CDC14B: variants seen among roughly 807,000 people sequenced by gnomAD.
The protein encoded by CDC14B is cell division cycle 14B, also known as dual specificity protein phosphatase CDC14B.
Under a neutral mutation model 64.2 loss-of-function variants are expected in CDC14B, and 22 were observed. The observed-to-expected ratio is 0.34, with a 90% CI of 0.24 to 0.49. The LOEUF (loss-of-function observed/expected upper bound fraction) is 0.49, where lower values mean the gene tolerates loss of function less well. Ranked by LOEUF, CDC14B falls within the 20% of genes least tolerant of loss-of-function variation. CDC14B has a pLI of 0.99. For missense variants in CDC14B, 498 were observed against 629.9 expected, an observed-to-expected ratio of 0.79 and a Z score of 2.24; for synonymous variants, 191 against 215.8, an observed-to-expected ratio of 0.89 and a Z score of 1.01.
At chr9:96,497,822 G>A (rs1218452304), downstream of CDC14B, among the ~76,000 whole-genome samples, 2 of 152,042 alleles carry the variant, frequency 1.3e-5, no homozygotes, top group South Asian at 2.1e-4. Flanking sequence ...GAGAAGAAAC[G>A]GGTTTAGGGA....
At chr9:96,569,420 T>C (rs147008053) in intron 1 of CDC14B, among the ~76,000 whole-genome samples, 2 of 152,284 alleles carry the variant, frequency 1.3e-5, no homozygotes, top group Non-Finnish European at 2.9e-5. Flanking sequence ...GGAAGAAATT[T>C]TCCCTCCCAG....
chr9:96,599,376 C>T (rs950995536), intron 1 of CDC14B, among the ~76,000 whole-genome samples: 4 of 148,864 alleles, frequency 2.7e-5, no homozygotes, highest in South Asian at 4.2e-4. Flanking sequence ...AGTGAAACTC[C>T]GTTTAAAAAA....
intron 1 of CDC14B, chr9:96,567,227 T>G: frequency 1.0e-5 from 2 of 196,156 alleles, no homozygotes; most frequent in Non-Finnish European, 2.1e-5. Flanking sequence ...GAAAGCTCCT[T>G]AGCGATTAAA....
chr9:96,526,610 T>C (rs1459723446), intron 9 of CDC14B, among the ~76,000 whole-genome samples: 1 of 152,224 alleles, frequency 6.6e-6, no homozygotes, highest in Non-Finnish European at 1.5e-5. Flanking sequence ...CAATTTTCAC[T>C]GTACAGCCCA....
intron 12 of CDC14B, among the ~76,000 whole-genome samples, chr9:96,511,142 G>A (rs1261959859): frequency 6.6e-6 from 1 of 152,142 alleles, no homozygotes; most frequent in African/African-American, 2.4e-5. Flanking sequence ...ACGGGCCTCA[G>A]CTACCACCAT....
chr9:96,600,975 C>A lies in CDC14B; in HGVS notation c.160+18244G>T, dbSNP rs1846399973. On this transcript the variant is annotated intron_variant, in intron 1 of 13. Coordinates refer to ENST00000375241, the MANE Select transcript of CDC14B (RefSeq NM_033331.4). ...ATTATTATGCAACCATATAATGGAA[C>A]AGTATGCATCCACTAAAAAAAGATA... Among the ~76,000 whole-genome samples the A allele has an allele frequency of 2.0e-5, 3 of 152,008 alleles. 1 individual carries two copies. In the South Asian group the frequency reaches 6.2e-4, roughly 32 times the overall value.
In CDC14B at chr9:96,545,164, G is replaced by T. The variant is rs1840623187; in HGVS notation, c.498-3272C>A. ...CAAATCCTGGTTTTGTAGAAATAGGGTGTTCATGGAATAAAGAACCCATTT... is the reference window on the plus strand; with the variant it reads ...CAAATCCTGGTTTTGTAGAAATAGGTTGTTCATGGAATAAAGAACCCATTT... On this transcript the variant is annotated intron_variant, in intron 5 of 13. Transcript: ENST00000375241. Among the ~76,000 whole-genome samples, 3 of 152,066 alleles carry T rather than the reference G, an allele frequency of 2.0e-5. No homozygotes were observed. In the South Asian group the frequency reaches 6.2e-4, roughly 32 times the overall value.
intron 9 of CDC14B, among the ~76,000 whole-genome samples, chr9:96,524,213 T>A (rs886645218): frequency 6.6e-6 from 1 of 152,232 alleles, no homozygotes; most frequent in Admixed American, 6.5e-5. Flanking sequence ...ATGCTGGTAT[T>A]ATACACTTGA....
intron 1 of CDC14B, among the ~76,000 whole-genome samples, chr9:96,589,192 A>T (rs1387498514): frequency 6.7e-6 from 1 of 150,222 alleles, no homozygotes; most frequent in African/African-American, 2.5e-5. Context: ...AAAAAAAATT[A>T]GCTGGGCGTG....
chr9:96,539,072 A>C lies in CDC14B; in HGVS notation c.627+6T>G. 1.3e-6 allele frequency: 2 copies of C among 1,585,732 alleles called. No homozygotes were observed. Among genetic ancestry groups the C allele is most frequent in the Non-Finnish European group, 1.7e-6 (2 of 1,154,632 alleles). ...AGAGTTGAAAACATGATCCTTGAAG[A>C]CTTACTTCATAGTGTTCATATTCAT... On this transcript the variant is annotated splice_donor_region_variant and intron_variant, in intron 7 of 13. Coordinates refer to ENST00000375241, the MANE Select transcript of CDC14B (RefSeq NM_033331.4).
rs1349548001 is a variant in CDC14B, at chr9:96,500,898, A to ACTGGCCTCGAGCACG, written c.*2854_*2855insCGTGCTCGAGGCCAG. Reference sequence around the variant, plus strand: ...CCATCCCGCCCAGCCCAGCGAGCACACTGGCCTCATAACAATGCTTGGGAA... The same window carrying ACTGGCCTCGAGCACG: ...CCATCCCGCCCAGCCCAGCGAGCACACTGGCCTCGAGCACGCTGGCCTCATAACAATGCTTGGGAA... On this transcript the variant is annotated 3_prime_UTR_variant, in exon 14 of 14. Transcript: ENST00000375241. 6 of 152,474 alleles carry ACTGGCCTCGAGCACG rather than the reference A, an allele frequency of 3.9e-5. No homozygotes were observed. Among genetic ancestry groups the ACTGGCCTCGAGCACG allele is most frequent in the Admixed American group, 2.6e-4 (4 of 15,308 alleles). The allele number at this position is 152,474 out of a possible 1,614,324, so 9.4% of individuals were successfully genotyped here.
At chr9:96,604,819 C>A (rs191773856) in intron 1 of CDC14B, among the ~76,000 whole-genome samples, 137 of 152,230 alleles carry the variant, frequency 9.0e-4, no homozygotes, top group Admixed American at 2.8e-3. Context: ...TAGGCATGCA[C>A]CACCATGCCC....
At chr9:96,510,751 G>A (rs551693454) in intron 12 of CDC14B, among the ~76,000 whole-genome samples, 7 of 151,756 alleles carry the variant, frequency 4.6e-5, no homozygotes, top group Non-Finnish European at 1.0e-4. Context: ...GACCGCAGGC[G>A]CCCACCACCT....
At chr9:96,585,375 G>C (rs1400126078) in intron 1 of CDC14B, among the ~76,000 whole-genome samples, 1 of 151,108 alleles carries the variant, frequency 6.6e-6, no homozygotes, top group African/African-American at 2.4e-5. Flanking sequence ...CCAACCCCCA[G>C]ACAGGCCCCA....
intron 13 of CDC14B, among the ~76,000 whole-genome samples, chr9:96,504,457 C>G (rs943173637): frequency 6.6e-6 from 1 of 152,256 alleles, no homozygotes; most frequent in African/African-American, 2.4e-5. Flanking sequence ...GCTCCTCGCC[C>G]GATGCTGCTG....
rs1271352286 is a variant in CDC14B, at chr9:96,599,136, T to C, written c.160+20083A>G. Among the ~76,000 whole-genome samples, 3 of 152,174 alleles carry C rather than the reference T, an allele frequency of 2.0e-5. No individual in the cohort carries two copies. The South Asian group carries it at 6.2e-4, about 32-fold the overall frequency. On this transcript the variant is annotated intron_variant, in intron 1 of 13. Coordinates refer to ENST00000375241, the MANE Select transcript of CDC14B (RefSeq NM_033331.4). ...GGCTCACACCTGTAATCCCAGCACT[T>C]TGGGAGGCCAAGGTGGGCGGATCAC...
intron 6 of CDC14B, among the ~76,000 whole-genome samples, chr9:96,541,431 C>T (rs1364842607): frequency 2.6e-5 from 4 of 152,302 alleles, no homozygotes; most frequent in South Asian, 4.1e-4. Flanking sequence ...GACTGTGTTA[C>T]GTCTGTTGTA....
chr9:96,511,039 A>G (rs1834840828), intron 12 of CDC14B, among the ~76,000 whole-genome samples: 1 of 152,190 alleles, frequency 6.6e-6, no homozygotes, highest in African/African-American at 2.4e-5. Context: ...CTCCTATTCA[A>G]ACATAAAGGT....
intron 1 of CDC14B, among the ~76,000 whole-genome samples, chr9:96,617,940 G>A (rs950784235): frequency 6.6e-6 from 1 of 152,146 alleles, no homozygotes; most frequent in African/African-American, 2.4e-5. Context: ...AGGGCACAAC[G>A]TTAGCGGGAC....
Sources: gnomAD v4.1 joint callset for allele counts (sites outside exome capture counted in the v4.1 genomes callset) on GRCh38, gnomAD v4.1.1 for gene constraint, MANE v1.5 for transcripts, NCBI Gene and HGNC (gene_info 2026-07-23, HGNC 2026-07-21) for gene names.